The following AP3D1 variants were observed in gnomAD, a reference collection of about 807,000 sequenced individuals.
AP3D1 encodes adaptor related protein complex 3 subunit delta 1, also known as AP-3 complex subunit delta-1.
AP3D1 carries 51 observed loss-of-function variants against 147.6 expected under a neutral mutation model. The ratio of observed to expected loss-of-function variants is 0.35; its 90% CI spans 0.28 to 0.44. AP3D1 has a LOEUF of 0.44. AP3D1 is among the 20% of genes least tolerant of loss of function. AP3D1 has a pLI of 1.00. For missense variants in AP3D1, 1,421 were observed against 1,624.2 expected (o/e 0.87, Z 2.15); for synonymous variants, 760 against 663.0 (o/e 1.15, Z -2.25).
chr19:2,102,728 A>AAAAT lies in AP3D1; in HGVS notation c.3553-464_3553-461dup, dbSNP rs148548478. Reference sequence around the variant, plus strand: ...GGGCGACACAGCGAGACTGTCTCAAAAAATAAATAAATAAATAAATAAATA... The same window carrying AAAAT: ...GGGCGACACAGCGAGACTGTCTCAAAAAATAAATAAATAAATAAATAAATAAATA... On this transcript the variant is annotated intron_variant, in intron 31 of 31. Transcript: ENST00000643116. Among the ~76,000 whole-genome samples, 328 of 129,642 alleles carry AAAAT rather than the reference A, an allele frequency of 2.5e-3. 2 individuals carry two copies. The highest frequency in any genetic ancestry group is 4.2e-3 in the African/African-American group (143 of 33,688). The allele number at this position is 129,642 out of a possible 152,430, so 85.1% of individuals were successfully genotyped here. A position where few individuals can be genotyped will look rare whatever the true frequency, so the allele number is the denominator to read the frequency against.
chr19:2,149,806 G>A (rs1293206881), intron 1 of AP3D1, among the ~76,000 whole-genome samples: 8 of 152,190 alleles, frequency 5.3e-5, no homozygotes, highest in African/African-American at 1.4e-4. Context: ...GACGGGCGCT[G>A]GGAGATCCTG....
intron 5 of AP3D1, 48 bp from the exon 6 acceptor site, chr19:2,130,585 C>A (rs2018912104): frequency 1.2e-6 from 2 of 1,604,838 alleles, no homozygotes; most frequent in African/African-American, 1.3e-5. Flanking sequence ...GCGCCTCATC[C>A]CTGCTCTCGC....
chr19:2,157,524 C>CCCAT (rs142566326), intron 1 of AP3D1, among the ~76,000 whole-genome samples: 4,533 of 148,632 alleles, frequency 0.03, 80 homozygotes, highest in Middle Eastern at 0.048. Context: ...CATACAGTAA[C>CCCAT]CCATCCATCC....
intron 24 of AP3D1, chr19:2,112,467 CCA>C (rs2018311146): frequency 1.0e-5 from 2 of 192,906 alleles, no homozygotes; most frequent in Admixed American, 1.1e-4. Flanking sequence ...ACACACTGAT[CCA>C]CAGAGACAGG....
chr19:2,135,962 G>A (rs1464698835), intron 4 of AP3D1, among the ~76,000 whole-genome samples: 1 of 151,594 alleles, frequency 6.6e-6, no homozygotes, highest in African/African-American at 2.4e-5. Context: ...GGCCCCACCT[G>A]CTACACGGCC....
chr19:2,156,010 G>A (rs1238068940), upstream of AP3D1, among the ~76,000 whole-genome samples: 2 of 149,322 alleles, frequency 1.3e-5, no homozygotes, highest in African/African-American at 5.0e-5. Flanking sequence ...CCACGATTGC[G>A]CCACTGCACT....
At chr19:2,142,024 A>G (rs1222001010) in intron 1 of AP3D1, among the ~76,000 whole-genome samples, 3 of 150,830 alleles carry the variant, frequency 2.0e-5, no homozygotes, top group Non-Finnish European at 3.0e-5. Flanking sequence ...TTATATATAT[A>G]TATGTATCTT....
chr19:2,149,681 C>T (rs2019454338), intron 1 of AP3D1, among the ~76,000 whole-genome samples: 1 of 152,094 alleles, frequency 6.6e-6, no homozygotes, highest in African/African-American at 2.4e-5. Flanking sequence ...ACAGGCACAT[C>T]CCCCTGAAAA....
chr19:2,132,973 T>C (rs1394957843), intron 4 of AP3D1, among the ~76,000 whole-genome samples: 1 of 152,144 alleles, frequency 6.6e-6, no homozygotes, highest in African/African-American at 2.4e-5. Flanking sequence ...CAACCGAGTT[T>C]CCTGGCACCT....
At chr19:2,144,363 C>T (rs773589720) in intron 1 of AP3D1, among the ~76,000 whole-genome samples, 6 of 152,178 alleles carry the variant, frequency 3.9e-5, no homozygotes, top group African/African-American at 9.7e-5. Flanking sequence ...AGGAGCAGAG[C>T]GGCCGCGGCC....
intron 1 of AP3D1, among the ~76,000 whole-genome samples, chr19:2,162,510 A>G (rs2019729891): frequency 6.6e-6 from 1 of 151,368 alleles, no homozygotes; most frequent in African/African-American, 2.4e-5. Context: ...AAACTACAAA[A>G]ATTAACCGGG....
chr19:2,124,474 A>C (rs2018697207), intron 9 of AP3D1, among the ~76,000 whole-genome samples: 1 of 152,236 alleles, frequency 6.6e-6, no homozygotes, highest in Admixed American at 6.5e-5. Flanking sequence ...TTTAAAAGAA[A>C]GACATGAAGC....
In AP3D1 at chr19:2,123,824, A is replaced by C; in HGVS notation, c.906+6T>G. 6.4e-7 allele frequency: 1 copy of C among 1,569,950 alleles called. No homozygotes were observed. Among genetic ancestry groups the C allele is most frequent in the Non-Finnish European group, 8.6e-7 (1 of 1,157,804 alleles). On this transcript the variant is annotated splice_donor_region_variant and intron_variant, in intron 10 of 31. Coordinates refer to ENST00000643116, the MANE Select transcript of AP3D1 (RefSeq NM_001261826.3). ...CCCCATGGGCCCCGCCCAGTGCGGGACGTACCTGGATGCTGGCGCTGTGGT... is the reference window on the plus strand; with the variant it reads ...CCCCATGGGCCCCGCCCAGTGCGGGCCGTACCTGGATGCTGGCGCTGTGGT...
At chr19:2,118,552 C>A (rs1185200061) in intron 15 of AP3D1, 49 bp downstream of exon 15, 2 of 1,555,024 alleles carry the variant, frequency 1.3e-6, no homozygotes, top group Non-Finnish European at 1.7e-6. Context: ...GACAGAAAGG[C>A]ACTGAGGGCT....
chr19:2,153,055 C>T (rs1237230856), upstream of AP3D1, among the ~76,000 whole-genome samples: 4 of 124,258 alleles, frequency 3.2e-5, no homozygotes, highest in African/African-American at 9.4e-5. Flanking sequence ...AGACACCCAT[C>T]TTAAAAAAAA....
In AP3D1 at chr19:2,129,167, T is replaced by C. The variant is rs1266311249; in HGVS notation, c.733-4A>G. On this transcript the variant is annotated splice_polypyrimidine_tract_variant and splice_region_variant and intron_variant, in intron 7 of 31. Coordinates refer to ENST00000643116, the MANE Select transcript of AP3D1 (RefSeq NM_001261826.3). ...CCAAAGGAGTAAGAGCACCGAACTG[T>C]GGGGACAGCAGGGCCTCGGTCACCC... is the stretch of plus-strand genomic sequence containing the variant. 1 of 1,605,612 alleles carries C rather than the reference T, an allele frequency of 6.2e-7. No homozygotes were observed.
At chr19:2,136,723 T>C (rs1452618464) in intron 4 of AP3D1, among the ~76,000 whole-genome samples, 2 of 151,958 alleles carry the variant, frequency 1.3e-5, no homozygotes, top group Non-Finnish European at 2.9e-5. Flanking sequence ...CAGCTGCGAG[T>C]GGACCCTGGA....
At position 2,118,792 on chromosome 19, in the gene AP3D1, G is replaced by T. The variant is rs775990850; in HGVS notation, c.1522C>A (p.Arg508=). ...EPHHTLEAML[R]PRVTTLPGHI... Reference sequence around the variant, plus strand: ...CCTGGCAGCGTGGTGACTCTGGGCCGCAGCATGGCCTCCAAAGTGTGGTGT... The same window carrying T: ...CCTGGCAGCGTGGTGACTCTGGGCCTCAGCATGGCCTCCAAAGTGTGGTGT... Residue 508 remains arginine, a synonymous_variant, in exon 15 of 32, where the codon CGG becomes AGG. Transcript: ENST00000643116. 6.2e-7 allele frequency: 1 copy of T among 1,613,532 alleles called. No individual in the cohort carries two copies. Among genetic ancestry groups the T allele is most frequent in the African/African-American group, 1.3e-5 (1 of 74,918 alleles).
chr19:2,155,655 T>A (rs2019639529), upstream of AP3D1, among the ~76,000 whole-genome samples: 1 of 152,110 alleles, frequency 6.6e-6, no homozygotes, highest in Admixed American at 6.6e-5. Flanking sequence ...TTATTATTGG[T>A]CTCCACCTCC....
Sources: allele counts gnomAD v4.1 joint callset (sites outside exome capture counted in the v4.1 genomes callset), GRCh38; gene constraint gnomAD v4.1.1; transcripts MANE v1.5; gene names NCBI Gene and HGNC (gene_info 2026-07-23, HGNC 2026-07-21).